DYM: variants seen among roughly 807,000 people sequenced by gnomAD.
DYM encodes dyggve-Melchior-Clausen syndrome protein.
Under a neutral mutation model 93.1 loss-of-function variants are expected in DYM, and 78 were observed. That is an observed-to-expected ratio of 0.84 (90% CI 0.70 to 1.01). The LOEUF (loss-of-function observed/expected upper bound fraction) is 1.01, where lower values mean the gene tolerates loss of function less well. Among genes scored for constraint, DYM ranks in the 50% least tolerant of loss-of-function variants. The probability of loss-of-function intolerance (pLI) is 0.00; values close to 1 mark genes in which losing one functional copy is unlikely to be tolerated. For synonymous variants in DYM, 321 were observed against 319.7 expected (o/e 1.00, Z -0.04); for missense variants, 789 against 845.0 (o/e 0.93, Z 0.82).
In DYM at chr18:49,378,699, G is replaced by A; in HGVS notation, c.289C>T (p.His97Tyr). The change falls in exon 5 of 18, where the codon CAC becomes TAC. Residue 97 changes from histidine (H) to tyrosine (Y), a missense_variant and splice_region_variant. His to Tyr is a moderately conservative substitution (Grantham distance 83). This residue lies in a region of DYM where 450 missense variants were observed against 436.2 expected (regional missense o/e 1.03). Transcript: ENST00000675505. ...ELKLSAECQN[H>Y]IFIWQTHNAL... Reference sequence around the variant, plus strand: ...TTGTGTGTCTGCCAAATGAAGATGTGGCTAGAAAGACCAAAATCATACAAG... The same window carrying A: ...TTGTGTGTCTGCCAAATGAAGATGTAGCTAGAAAGACCAAAATCATACAAG... 3 of 1,612,778 alleles carry A rather than the reference G, an allele frequency of 1.9e-6. No individual in the cohort carries two copies. The highest frequency in any genetic ancestry group is 2.5e-6 in the Non-Finnish European group (3 of 1,179,250).
chr18:49,384,770 T>G lies in DYM; in HGVS notation c.194-5012A>C, dbSNP rs564170356. Among the ~76,000 whole-genome samples the G allele has an allele frequency of 7.3e-4, 111 of 151,362 alleles. No individual in the cohort carries two copies. The South Asian group carries it at 0.016, about 22-fold the overall frequency. On this transcript the variant is annotated intron_variant, in intron 3 of 17. Coordinates refer to ENST00000675505, the MANE Select transcript of DYM (RefSeq NM_001353214.3). ...GGAGAACTGGCAGTGTAGAAAACAT[T>G]GAAATCAATCATACAAAGGAAGAAA...
At chr18:49,329,621 C>G (rs1461259597) in intron 8 of DYM, 1 of 152,234 alleles carries the variant, frequency 6.6e-6, no homozygotes, top group Non-Finnish European at 1.5e-5. Flanking sequence ...CATCCAGCCG[C>G]AGTTCCAGTA....
At chr18:49,214,996 T>A (rs1037421832) in intron 13 of DYM, among the ~76,000 whole-genome samples, 23 of 152,226 alleles carry the variant, frequency 1.5e-4, no homozygotes, top group African/African-American at 5.3e-4. Context: ...ATGTTCGCAC[T>A]GCTCTTACTA....
At chr18:49,250,952 T>C (rs915589732) in intron 13 of DYM, among the ~76,000 whole-genome samples, 2 of 152,254 alleles carry the variant, frequency 1.3e-5, no homozygotes, top group Non-Finnish European at 2.9e-5. Context: ...TTGACACTAC[T>C]GCCATTCTGC....
chr18:49,123,032 T>C (rs906281231), intron 15 of DYM, among the ~76,000 whole-genome samples: 13 of 152,336 alleles, frequency 8.5e-5, no homozygotes, highest in Admixed American at 7.8e-4. Context: ...CACAGTCATG[T>C]TCTTACTTAT....
intron 2 of DYM, among the ~76,000 whole-genome samples, chr18:49,428,119 T>C (rs1022549244): frequency 2.0e-5 from 3 of 151,560 alleles, no homozygotes; most frequent in Non-Finnish European, 2.9e-5. Context: ...GGAATGCAAG[T>C]ATTGGTGCAT....
intron 14 of DYM, among the ~76,000 whole-genome samples, chr18:49,194,012 G>A (rs1219884699): frequency 6.6e-6 from 1 of 152,190 alleles, no homozygotes; most frequent in African/African-American, 2.4e-5. Flanking sequence ...AATTCTGGAA[G>A]CCAAATAAAT....
intron 1 of DYM, among the ~76,000 whole-genome samples, chr18:49,457,129 C>T (rs140049201): frequency 7.9e-5 from 12 of 152,298 alleles, no homozygotes; most frequent in Admixed American, 2.0e-4. Flanking sequence ...CACAGAAGAA[C>T]CTGAGAAGAG....
chr18:49,204,371 C>T (rs185181915), intron 14 of DYM, among the ~76,000 whole-genome samples: 8 of 152,362 alleles, frequency 5.3e-5, no homozygotes, highest in Non-Finnish European at 7.3e-5. Context: ...AACTGTGCCA[C>T]TGCAACAGAA....
At chr18:49,155,917 G>A (rs2086358880) in intron 15 of DYM, among the ~76,000 whole-genome samples, 1 of 152,180 alleles carries the variant, frequency 6.6e-6, no homozygotes, top group African/African-American at 2.4e-5. Context: ...TCATTTGTAT[G>A]TAAACCCAGA....
chr18:49,253,163 A>G (rs1469699216), intron 13 of DYM, among the ~76,000 whole-genome samples: 1 of 152,110 alleles, frequency 6.6e-6, no homozygotes, highest in Non-Finnish European at 1.5e-5. Context: ...TGAAATACTG[A>G]CTCTTCTAAG....
rs2070727715 is a variant in DYM, at chr18:49,036,981, A to AC, written c.*7073dup. Among the ~76,000 whole-genome samples, 1 of 151,770 alleles carries AC rather than the reference A, an allele frequency of 6.6e-6. No individual in the cohort carries two copies. Among genetic ancestry groups the AC allele is most frequent in the Admixed American group, 6.6e-5 (1 of 15,218 alleles). ...CAGTGGCACAATCTCTGCCCACTGA[A>AC]CCCTCCACCTCCCAGGTTCAAGCAA... is the stretch of plus-strand genomic sequence containing the variant. On this transcript the variant is annotated 3_prime_UTR_variant, in exon 18 of 18. Coordinates refer to ENST00000675505, the MANE Select transcript of DYM (RefSeq NM_001353214.3).
In DYM at chr18:49,133,196, G is replaced by A. The variant is rs561836037; in HGVS notation, c.1729-14270C>T. 7.9e-5 allele frequency among the ~76,000 whole-genome samples: 12 copies of A among 152,174 alleles called. No individual in the cohort carries two copies. The South Asian group carries it at 1.2e-3, about 16-fold the overall frequency. On this transcript the variant is annotated intron_variant, in intron 15 of 17. Coordinates refer to ENST00000675505, the MANE Select transcript of DYM (RefSeq NM_001353214.3). ...TTTCCAGGGACCCATTTATAAATAC[G>A]TACTTAAGAGTCTTAAAAAATGTGA...
chr18:49,245,928 A>C (rs2144825928), intron 13 of DYM, among the ~76,000 whole-genome samples: 1 of 152,274 alleles, frequency 6.6e-6, no homozygotes, highest in African/African-American at 2.4e-5. Context: ...ACTTAGGAAA[A>C]ATAGAAAAGA....
chr18:49,302,776 A>G (rs1163652513), intron 8 of DYM, among the ~76,000 whole-genome samples: 2 of 152,210 alleles, frequency 1.3e-5, no homozygotes, highest in Non-Finnish European at 2.9e-5. Flanking sequence ...TCCCTTACTC[A>G]CATAACAGAA....
At chr18:49,444,298 T>A (rs139705525) in intron 1 of DYM, among the ~76,000 whole-genome samples, 1 of 152,286 alleles carries the variant, frequency 6.6e-6, no homozygotes, top group East Asian at 1.9e-4. Flanking sequence ...TACAATGGCT[T>A]AACAATGGCA....
At chr18:49,347,549 C>T (rs559370346) in intron 6 of DYM, among the ~76,000 whole-genome samples, 4 of 152,260 alleles carry the variant, frequency 2.6e-5, no homozygotes, top group African/African-American at 4.8e-5. Flanking sequence ...TCTATTAACT[C>T]GCTCTGTTAA....
rs537933223 is a variant in DYM at position 49,389,704 on chromosome 18, A to G, written c.193+1889T>C. Among the ~76,000 whole-genome samples, 3 of 151,718 alleles carry G rather than the reference A, an allele frequency of 2.0e-5. No homozygotes were observed. The East Asian group carries it at 5.8e-4, about 30-fold the overall frequency. On this transcript the variant is annotated intron_variant, in intron 3 of 17. Coordinates refer to ENST00000675505, the MANE Select transcript of DYM (RefSeq NM_001353214.3). ...TTGCGTGTAGATGGGTAAGATGTAGATTTTGTAAGAGATGGGGTCTTATTA... is the reference window on the plus strand; with the variant it reads ...TTGCGTGTAGATGGGTAAGATGTAGGTTTTGTAAGAGATGGGGTCTTATTA...
chr18:49,168,467 G>T (rs1839905577), intron 14 of DYM, among the ~76,000 whole-genome samples: 1 of 152,186 alleles, frequency 6.6e-6, no homozygotes, highest in Non-Finnish European at 1.5e-5. Flanking sequence ...GTCCAAACGG[G>T]AACACGCTGA....
Sources: gnomAD v4.1 joint callset for allele counts (sites outside exome capture counted in the v4.1 genomes callset) on GRCh38, gnomAD v4.1.1 for gene constraint, gnomAD v4.1.1 regional missense constraint, MANE v1.5 for transcripts, NCBI Gene and HGNC (gene_info 2026-07-23, HGNC 2026-07-21) for gene names.